The following ANKRD26 variants were observed in gnomAD, a reference collection of about 807,000 sequenced individuals.
ANKRD26 encodes the protein ankyrin repeat domain 26.
A neutral mutation model predicts 208.7 loss-of-function variants in ANKRD26; 141 were observed. The observed-to-expected ratio is 0.68, with a 90% CI of 0.59 to 0.78. The LOEUF (loss-of-function observed/expected upper bound fraction) is 0.78. Among genes scored for constraint, ANKRD26 ranks in the 30% least tolerant of loss-of-function variants. The pLI is 0.00. For missense variants in ANKRD26, 1,889 were observed against 1,938.7 expected, an observed-to-expected ratio of 0.97 and a Z score of 0.48; for synonymous variants, 636 against 660.4, an observed-to-expected ratio of 0.96 and a Z score of 0.57.
At chr10:27,003,870 A>G (rs1016696194), downstream of ANKRD26, among the ~76,000 whole-genome samples, 10 of 152,228 alleles carry the variant, frequency 6.6e-5, no homozygotes, top group Non-Finnish European at 1.3e-4. Flanking sequence ...GACTATAGAA[A>G]CGGAACAATT....
At chr10:27,015,840 AAAAC>A (rs2134946349) in intron 30 of ANKRD26, among the ~76,000 whole-genome samples, 1 of 152,296 alleles carries the variant, frequency 6.6e-6, no homozygotes, top group South Asian at 2.1e-4. Context: ...TATCCCAACT[AAAAC>A]AAATTTGTTA....
At chr10:27,072,579 C>CAT in intron 9 of ANKRD26, among the ~76,000 whole-genome samples, 1 of 152,184 alleles carries the variant, frequency 6.6e-6, no homozygotes, top group Non-Finnish European at 1.5e-5. Flanking sequence ...GAGTATTTCC[C>CAT]TTGGGTAACC....
At chr10:26,957,541 A>G in the ANKRD26 span, among the ~76,000 whole-genome samples, 2 of 152,238 alleles carry the variant, frequency 1.3e-5, no homozygotes, top group African/African-American at 4.8e-5. Context: ...GGAAGCAATT[A>G]AGGCACATTC....
chr10:27,048,473 GTTA>G (rs2054536018), intron 17 of ANKRD26, among the ~76,000 whole-genome samples: 1 of 152,060 alleles, frequency 6.6e-6, no homozygotes, highest in Non-Finnish European at 1.5e-5. Flanking sequence ...AAGCTGTTAG[GTTA>G]AAGATAGGAA....
chr10:27,014,323 T>C (rs1055197355), intron 31 of ANKRD26, among the ~76,000 whole-genome samples, 171 bp downstream of exon 31: 5 of 151,462 alleles, frequency 3.3e-5, no homozygotes, highest in Non-Finnish European at 7.4e-5. Context: ...AGGAAAGACA[T>C]AAACTGTCCT....
intron 17 of ANKRD26, among the ~76,000 whole-genome samples, chr10:27,046,767 G>T (rs1418216221): frequency 6.6e-6 from 1 of 151,896 alleles, no homozygotes; most frequent in African/African-American, 2.4e-5. Context: ...TATATTCCCT[G>T]CTTCAAAAAC....
At chr10:27,095,959 T>C (rs1217785564) in intron 1 of ANKRD26, among the ~76,000 whole-genome samples, 4 of 152,140 alleles carry the variant, frequency 2.6e-5, no homozygotes, top group African/African-American at 9.7e-5. Context: ...GGACTTTTCA[T>C]ATGGGATCCC....
In ANKRD26 at chr10:27,005,435, A is replaced by C. The variant is rs2052837737; in HGVS notation, c.*155T>G. ...TTGGCAAAATCCACTTAAAAGTTAA[A>C]GAAGCCAAGTAACATTGTTTAAAAT... On this transcript the variant is annotated 3_prime_UTR_variant, in exon 34 of 34. Transcript: ENST00000376087. The C allele has an allele frequency of 9.5e-6, 13 of 1,373,430 alleles. No homozygotes were observed. The highest frequency in any genetic ancestry group is 1.2e-5 in the Non-Finnish European group (13 of 1,066,350). The allele number at this position is 1,373,430 out of a possible 1,614,324, so 85.1% of individuals were successfully genotyped here.
chr10:27,052,036 CT>C, intron 16 of ANKRD26: 1 of 985,334 alleles, frequency 1.0e-6, no homozygotes, highest in Middle Eastern at 5.2e-4. Context: ...TTATTCAGTT[CT>C]GGTTCTTGAG....
At chr10:27,047,784 C>T (rs1425994409) in intron 17 of ANKRD26, among the ~76,000 whole-genome samples, 1 of 151,230 alleles carries the variant, frequency 6.6e-6, no homozygotes, top group Non-Finnish European at 1.5e-5. Context: ...CGCCCTGTCA[C>T]CCAGTTTGGA....
At chr10:27,048,166 G>A (rs10829168) in intron 17 of ANKRD26, among the ~76,000 whole-genome samples, 134,032 of 152,196 alleles carry the variant, frequency 0.88, 59,181 homozygotes, top group East Asian at 1. Flanking sequence ...AAAATACCCA[G>A]TATACTGAAA....
At chr10:27,001,754 T>C (rs1162456956), downstream of ANKRD26, among the ~76,000 whole-genome samples, 2 of 152,222 alleles carry the variant, frequency 1.3e-5, no homozygotes, top group Admixed American at 1.3e-4. Context: ...CCCTTTTCTA[T>C]TGGCACAATT....
intron 15 of ANKRD26, among the ~76,000 whole-genome samples, chr10:27,060,087 C>A (rs1366165318): frequency 6.7e-6 from 1 of 149,916 alleles, no homozygotes; most frequent in African/African-American, 2.5e-5. Flanking sequence ...GTAATCCCAG[C>A]TATTTTTCAG....
chr10:27,098,279 G>A (rs2056530766), intron 1 of ANKRD26, among the ~76,000 whole-genome samples: 1 of 151,730 alleles, frequency 6.6e-6, no homozygotes, highest in African/African-American at 2.4e-5. Context: ...CAAAGTGCTG[G>A]GATTACAGTC....
chr10:27,051,682 A>C, intron 16 of ANKRD26: 1 of 985,414 alleles, frequency 1.0e-6, no homozygotes, highest in Middle Eastern at 5.2e-4. Flanking sequence ...GAAGGAAATG[A>C]AAAGCCATTT....
At chr10:26,947,671 G>A in the ANKRD26 span, among the ~76,000 whole-genome samples, 64,762 of 152,030 alleles carry the variant, frequency 0.43, 16,511 homozygotes, top group Non-Finnish European at 0.54. Context: ...GTGAGGAAGC[G>A]GCATGAGCTG....
chr10:26,986,154 G>A (rs936959810), intron 3 of ANKRD26, among the ~76,000 whole-genome samples: 38 of 152,086 alleles, frequency 2.5e-4, no homozygotes, highest in African/African-American at 8.2e-4. Context: ...TCTTTGATAA[G>A]CCTGACAAAA....
intron 21 of ANKRD26, among the ~76,000 whole-genome samples, chr10:27,039,261 G>T (rs1357969161): frequency 1.3e-5 from 2 of 152,076 alleles, no homozygotes; most frequent in Non-Finnish European, 2.9e-5. Context: ...AGACCAGCCT[G>T]GCCAACATGG....
chr10:26,948,351 G>A, the ANKRD26 span, among the ~76,000 whole-genome samples: 1 of 152,086 alleles, frequency 6.6e-6, no homozygotes, highest in Non-Finnish European at 1.5e-5. Flanking sequence ...GCATCCTTTC[G>A]AGAAGCATTC....
Sources: allele counts gnomAD v4.1 joint callset (sites outside exome capture counted in the v4.1 genomes callset), GRCh38; gene constraint gnomAD v4.1.1; transcripts MANE v1.5; gene names NCBI Gene and HGNC (gene_info 2026-07-23, HGNC 2026-07-21).